The following ITIH5 variants were observed in gnomAD, a reference collection of about 807,000 sequenced individuals.
ITIH5 encodes inter-alpha-trypsin inhibitor heavy chain 5.
ITIH5 carries 65 observed loss-of-function variants against 77.5 expected under a neutral mutation model. The observed-to-expected ratio is 0.84, with a 90% CI of 0.69 to 1.03. The LOEUF is 1.03. ITIH5 is among the 50% of genes least tolerant of loss of function. The pLI, the probability that ITIH5 is intolerant of heterozygous loss-of-function variation, is 0.00. For missense variants in ITIH5, 1,208 were observed against 1,213.1 expected (o/e 1.00, Z 0.06); for synonymous variants, 525 against 494.3 (o/e 1.06, Z -0.82).
At chr10:7,598,949 G>C (rs554162381) in intron 7 of ITIH5, among the ~76,000 whole-genome samples, 1 of 152,090 alleles carries the variant, frequency 6.6e-6, no homozygotes, top group Non-Finnish European at 1.5e-5. Flanking sequence ...CTTGAGAAGC[G>C]AACTGTCTCA....
chr10:7,605,545 AC>A (rs1833107302), intron 7 of ITIH5, among the ~76,000 whole-genome samples: 2 of 144,434 alleles, frequency 1.4e-5, no homozygotes, highest in African/African-American at 5.1e-5. Context: ...CCCACCCCCA[AC>A]AGCCTATAAC....
At chr10:7,659,000 T>C (rs1834232985) in intron 1 of ITIH5, among the ~76,000 whole-genome samples, 1 of 152,150 alleles carries the variant, frequency 6.6e-6, no homozygotes, top group Non-Finnish European at 1.5e-5. Context: ...AGGAAGTCCA[T>C]TCAGTTGGTT....
Position 7,562,790 on chromosome 10 carries a change from C to T in ITIH5, c.*293G>A. The T allele has an allele frequency of 2.4e-6, 1 of 416,568 alleles. No homozygotes were observed. The highest frequency in any genetic ancestry group is 4.4e-6 in the Non-Finnish European group (1 of 226,244). 25.8% of individuals were successfully genotyped at this position (416,568 alleles called of 1,614,324 possible). A position where few individuals can be genotyped will look rare whatever the true frequency, so the allele number is the denominator to read the frequency against. On this transcript the variant is annotated 3_prime_UTR_variant, in exon 14 of 14. Coordinates refer to ENST00000397146, the MANE Select transcript of ITIH5 (RefSeq NM_030569.7). The stretch of plus-strand genomic sequence containing the variant: ...CAGAAAAGCAGGTTGGGACAAGATA[C>T]AGACTTTGTTGCATTTAGCTATGAC...
At chr10:7,660,018 C>A (rs1834251055) in intron 1 of ITIH5, among the ~76,000 whole-genome samples, 1 of 152,208 alleles carries the variant, frequency 6.6e-6, no homozygotes, top group Non-Finnish European at 1.5e-5. Context: ...AGAGCTTCCA[C>A]TGACTTCCTT....
chr10:7,576,193 AT>A (rs1014814144), intron 10 of ITIH5, among the ~76,000 whole-genome samples: 6 of 150,668 alleles, frequency 4.0e-5, no homozygotes, highest in African/African-American at 1.5e-4. Context: ...TAGATAATTA[AT>A]TTTTTTTTCT....
At chr10:7,622,894 G>C (rs548022602) in intron 5 of ITIH5, among the ~76,000 whole-genome samples, 111 of 152,314 alleles carry the variant, frequency 7.3e-4, no homozygotes, top group South Asian at 1.7e-3. Context: ...ATGTTTATAA[G>C]TGCCATTAAA....
intron 7 of ITIH5, among the ~76,000 whole-genome samples, chr10:7,588,526 A>G (rs1445064998): frequency 6.6e-6 from 1 of 152,232 alleles, no homozygotes; most frequent in Non-Finnish European, 1.5e-5. Flanking sequence ...CAAAAAATAA[A>G]TAAAACACAT....
intron 5 of ITIH5, chr10:7,622,479 C>T (rs1588406978): frequency 1.3e-5 from 2 of 152,028 alleles, no homozygotes; most frequent in East Asian, 3.9e-4. Flanking sequence ...CATCCTCTTC[C>T]CCTTCAGAAG....
Position 7,577,969 on chromosome 10 carries a change from T to C in ITIH5, c.1419-957A>G, listed in dbSNP as rs73617531. 4.1e-3 allele frequency among the ~76,000 whole-genome samples: 631 copies of C among 152,364 alleles called. 8 individuals are homozygous for C. Among genetic ancestry groups the C allele is most frequent in the African/African-American group, 0.015 (606 of 41,594 alleles). ...GAGGCCACAAATGGCTATGTGACTA[T>C]GTCCTCCCAATGGAATATGGGTAGC... On this transcript the variant is annotated intron_variant, in intron 9 of 13. Transcript: ENST00000397146.
intron 7 of ITIH5, among the ~76,000 whole-genome samples, chr10:7,592,787 G>A (rs1832819359): frequency 6.6e-6 from 1 of 152,170 alleles, no homozygotes; most frequent in Non-Finnish European, 1.5e-5. Flanking sequence ...GTGAGCATCA[G>A]ACAGACCCTG....
Position 7,563,211 on chromosome 10 carries a change from G to A in ITIH5, c.2701C>T (p.Gln901Ter). 1 of 1,614,234 alleles carries A rather than the reference G, an allele frequency of 6.2e-7. No homozygotes were observed. The highest frequency in any genetic ancestry group is 2.2e-5 in the East Asian group (1 of 44,892). ...KQRKIYNGEE[Q>*]IDCWFARNNA... The stretch of plus-strand genomic sequence containing the variant: ...TTCCTGGCAAACCAGCAGTCTATCT[G>A]CTCTTCCCCGTTGTAAATCTTCCTT... The change falls in exon 14 of 14, where the codon CAG becomes TAG. Residue 901 changes from glutamine (Q) to a stop codon, truncating the protein, a stop_gained. Transcript: ENST00000397146. LOFTEE classifies it low-confidence loss of function (END_TRUNC).
chr10:7,652,982 G>T (rs1169260698), intron 2 of ITIH5, among the ~76,000 whole-genome samples: 2 of 152,162 alleles, frequency 1.3e-5, no homozygotes, highest in Non-Finnish European at 2.9e-5. Flanking sequence ...ATGGAGAATG[G>T]TTTGAGCAAT....
intron 2 of ITIH5, among the ~76,000 whole-genome samples, chr10:7,644,349 CATATATATCATATATATCACAT>C (rs1564277136): frequency 3.4e-5 from 5 of 145,818 alleles, no homozygotes; most frequent in African/African-American, 1.0e-4. Flanking sequence ...ACATATATCA[CATATATATCATATATATCACAT>C]ATATATCACA....
chr10:7,579,933 T>C lies in ITIH5; in HGVS notation c.1240A>G (p.Thr414Ala). 1 of 1,614,076 alleles carries C rather than the reference T, an allele frequency of 6.2e-7. No homozygotes were observed. Among genetic ancestry groups the C allele is most frequent in the South Asian group, 1.1e-5 (1 of 91,062 alleles). The change falls in exon 9 of 14, where the codon ACG (threonine) becomes GCG (alanine). Residue 414 changes from threonine (T) to alanine (A), a missense_variant. By Grantham distance (58) the Thr-to-Ala change is moderately conservative. Coordinates refer to ENST00000397146, the MANE Select transcript of ITIH5 (RefSeq NM_030569.7). ...LTDGKPTVGE[T>A]HTLKILNNTR... The stretch of plus-strand genomic sequence containing the variant: ...TTGTTGAGGATCTTGAGGGTGTGCG[T>C]CTCCCCGACCGTGGGCTTCCCATCC...
intron 1 of ITIH5, among the ~76,000 whole-genome samples, chr10:7,663,303 C>T (rs1834308769): frequency 6.6e-6 from 1 of 152,194 alleles, no homozygotes; most frequent in Non-Finnish European, 1.5e-5. Flanking sequence ...CTTAACTAGG[C>T]TGTGCATAAA....
intron 7 of ITIH5, among the ~76,000 whole-genome samples, chr10:7,598,162 T>C (rs1832945630): frequency 6.6e-6 from 1 of 152,220 alleles, no homozygotes; most frequent in African/African-American, 2.4e-5. Context: ...CAAGTTCCTT[T>C]TGTTGCCCCT....
chr10:7,585,141 G>A lies in ITIH5; in HGVS notation c.1108+760C>T, dbSNP rs558218371. Among the ~76,000 whole-genome samples, 11 of 152,320 alleles carry A rather than the reference G, an allele frequency of 7.2e-5. No homozygotes were observed. In the East Asian group the frequency reaches 1.9e-3, roughly 27 times the overall value. On this transcript the variant is annotated intron_variant, in intron 8 of 13. Coordinates refer to ENST00000397146, the MANE Select transcript of ITIH5 (RefSeq NM_030569.7). The stretch of plus-strand genomic sequence containing the variant: ...TCTGTACAGAGCCTGAAAGGAAGGG[G>A]GAGGGAGTAGGTCAAGTTCTGCTAA...
intron 7 of ITIH5, among the ~76,000 whole-genome samples, chr10:7,599,026 A>C (rs1832963317): frequency 6.6e-6 from 1 of 152,228 alleles, no homozygotes; most frequent in Non-Finnish European, 1.5e-5. Context: ...CAAGTGTATC[A>C]AACATTTACC....
rs375251443 is a variant in ITIH5 at position 7,579,982 on chromosome 10, G to A, written c.1191C>T (p.Ser397=). 1.9e-5 allele frequency: 31 copies of A among 1,613,980 alleles called. No individual in the cohort carries two copies. The highest frequency in any genetic ancestry group is 1.8e-4 in the East Asian group (8 of 44,896). Reference sequence around the variant, plus strand: ...CCGTCAGGAAGACGATGAGGGACACGCTCCGGTCTCCAATGCCACTGTGGG... The same window carrying A: ...CCGTCAGGAAGACGATGAGGGACACACTCCGGTCTCCAATGCCACTGTGGG... The part of the protein sequence containing the change: ...YVAHSGIGDR[S]VSLIVFLTDG... Residue 397 remains serine, a synonymous_variant, in exon 9 of 14, where the codon AGC becomes AGT. Transcript: ENST00000397146.
Sources: gnomAD v4.1 joint callset for allele counts (sites outside exome capture counted in the v4.1 genomes callset) on GRCh38, gnomAD v4.1.1 for gene constraint, MANE v1.5 for transcripts, NCBI Gene and HGNC (gene_info 2026-07-23, HGNC 2026-07-21) for gene names.